The following DPP10 variants were observed in gnomAD, a reference collection of about 807,000 sequenced individuals.
DPP10 encodes inactive dipeptidyl peptidase 10.
DPP10 carries 33 observed loss-of-function variants against 120.9 expected under a neutral mutation model. That is an observed-to-expected ratio of 0.27 (90% CI 0.21 to 0.37). DPP10 has a LOEUF of 0.37. Among genes scored for constraint, DPP10 ranks in the 10% least tolerant of loss-of-function variants. The pLI, the probability that DPP10 is intolerant of heterozygous loss-of-function variation, is 1.00. For synonymous variants in DPP10, 337 were observed against 326.1 expected (o/e 1.03, Z -0.36); for missense variants, 816 against 942.8 (o/e 0.87, Z 1.76).
At chr2:115,069,759 C>A (rs891647805) in intron 1 of DPP10, among the ~76,000 whole-genome samples, 1 of 151,656 alleles carries the variant, frequency 6.6e-6, no homozygotes, top group Non-Finnish European at 1.5e-5. Flanking sequence ...AGGCATGTTA[C>A]TTAACCTCTC....
intron 12 of DPP10, among the ~76,000 whole-genome samples, chr2:115,766,286 A>ATGTGTGTGTG (rs34673352): frequency 0.035 from 2,456 of 69,580 alleles, 108 homozygotes; most frequent in Middle Eastern, 0.057. Context: ...CATTATATAT[A>ATGTGTGTGTG]TGTGTGTGTG....
intron 1 of DPP10, among the ~76,000 whole-genome samples, chr2:114,806,832 TG>T (rs1451793472): frequency 1.3e-5 from 2 of 152,208 alleles, no homozygotes; most frequent in African/African-American, 2.4e-5. Context: ...CCATTTTTTT[TG>T]TTGTTTATTG....
At chr2:115,356,573 A>G (rs934642883) in intron 3 of DPP10, among the ~76,000 whole-genome samples, 1 of 152,110 alleles carries the variant, frequency 6.6e-6, no homozygotes, top group African/African-American at 2.4e-5. Context: ...TGCCCTGGCC[A>G]GTACTTCCAA....
At chr2:114,662,870 G>C (rs568017015) in intron 1 of DPP10, among the ~76,000 whole-genome samples, 3 of 152,234 alleles carry the variant, frequency 2.0e-5, no homozygotes, top group Non-Finnish European at 4.4e-5. Flanking sequence ...TGTTTCCCTC[G>C]TAGCCGGGTC....
At chr2:115,573,476 G>A (rs573922379) in intron 5 of DPP10, among the ~76,000 whole-genome samples, 5 of 151,274 alleles carry the variant, frequency 3.3e-5, no homozygotes, top group South Asian at 2.1e-4. Context: ...TAGAGGCGGG[G>A]TTTCACCGTG....
At chr2:115,359,055 T>C (rs912177348) in intron 3 of DPP10, among the ~76,000 whole-genome samples, 8 of 152,212 alleles carry the variant, frequency 5.3e-5, no homozygotes, top group African/African-American at 1.9e-4. Context: ...TTCTTGAAGA[T>C]AGCAGATGGT....
chr2:115,703,653 TC>T (rs2091982293), intron 7 of DPP10, among the ~76,000 whole-genome samples: 1 of 152,008 alleles, frequency 6.6e-6, no homozygotes, highest in African/African-American at 2.4e-5. Context: ...CTAAGGACCA[TC>T]CATATTATTG....
At chr2:114,483,223 T>G (rs1232227637) in intron 1 of DPP10, among the ~76,000 whole-genome samples, 1 of 151,340 alleles carries the variant, frequency 6.6e-6, no homozygotes, top group Non-Finnish European at 1.5e-5. Context: ...TCAGTTTACT[T>G]TTTTTTTTCT....
intron 1 of DPP10, among the ~76,000 whole-genome samples, chr2:115,201,649 G>A (rs778838880): frequency 6.6e-6 from 1 of 152,052 alleles, no homozygotes; most frequent in Admixed American, 6.6e-5. Context: ...TCTTTGTCAA[G>A]TACACTATTT....
Position 114,781,156 on chromosome 2 carries a change from A to G in DPP10, c.60+338318A>G, listed in dbSNP as rs147446619. Among the ~76,000 whole-genome samples the G allele has an allele frequency of 1.3e-4, 20 of 152,298 alleles. No homozygotes were observed. The East Asian group carries it at 3.3e-3, about 25-fold the overall frequency. On this transcript the variant is annotated intron_variant, in intron 1 of 25. Transcript: ENST00000410059. ...ATAAATACACAATAACATTTTGTAG[A>G]GAGGATGTAATAGATCCTAGGAACT... is the stretch of plus-strand genomic sequence containing the variant.
chr2:115,454,806 G>A (rs2073393467), intron 3 of DPP10, among the ~76,000 whole-genome samples: 1 of 151,490 alleles, frequency 6.6e-6, no homozygotes, highest in African/African-American at 2.4e-5. Flanking sequence ...CAGATGACAT[G>A]ATCCTTTATG....
chr2:115,587,097 T>C (rs948461103), intron 5 of DPP10, among the ~76,000 whole-genome samples: 1 of 145,374 alleles, frequency 6.9e-6, no homozygotes, highest in African/African-American at 2.6e-5. Flanking sequence ...TTCTTTTTTT[T>C]TTTTTTTTTT....
At chr2:115,663,823 C>T (rs990153058) in intron 5 of DPP10, among the ~76,000 whole-genome samples, 1 of 151,946 alleles carries the variant, frequency 6.6e-6, no homozygotes. Flanking sequence ...GGTGAAAACC[C>T]GTCTCCACTC....
intron 5 of DPP10, among the ~76,000 whole-genome samples, chr2:115,673,508 C>A (rs978219362): frequency 1.3e-5 from 2 of 152,134 alleles, no homozygotes; most frequent in Non-Finnish European, 2.9e-5. Context: ...CCTAGATAAT[C>A]CTAATAACAA....
rs70941034 is a variant in DPP10, at chr2:115,227,924, C to CT, written c.61-81301dup. Reference sequence around the variant, plus strand: ...AGATACATCCGATTTCTTTTTTTTCCTTTTTTTTTTTTTTGGAGACAGGGT... The same window carrying CT: ...AGATACATCCGATTTCTTTTTTTTCCTTTTTTTTTTTTTTTGGAGACAGGGT... On this transcript the variant is annotated intron_variant, in intron 1 of 25. Transcript: ENST00000410059. Among the ~76,000 whole-genome samples, 684 of 120,426 alleles carry CT rather than the reference C, an allele frequency of 5.7e-3. 5 individuals carry two copies. Among genetic ancestry groups the CT allele is most frequent in the African/African-American group, 0.017 (576 of 33,092 alleles). 79.0% of individuals were successfully genotyped at this position (120,426 alleles called of 152,430 possible).
At chr2:115,650,479 A>G (rs1171709362) in intron 5 of DPP10, among the ~76,000 whole-genome samples, 1 of 152,060 alleles carries the variant, frequency 6.6e-6, no homozygotes, top group East Asian at 1.9e-4. Flanking sequence ...TGATAAATAA[A>G]TTAACTTACA....
At chr2:115,740,263 A>G (rs761795268) in intron 9 of DPP10, among the ~76,000 whole-genome samples, 1 of 152,092 alleles carries the variant, frequency 6.6e-6, no homozygotes, top group Non-Finnish European at 1.5e-5. Flanking sequence ...GGAAAGTGCC[A>G]TGGTCAAATA....
At chr2:114,564,715 T>C (rs983469685) in intron 1 of DPP10, among the ~76,000 whole-genome samples, 3 of 151,936 alleles carry the variant, frequency 2.0e-5, no homozygotes, top group South Asian at 2.1e-4. Flanking sequence ...ATGAGGTAGA[T>C]GAGTGAAGGA....
intron 1 of DPP10, among the ~76,000 whole-genome samples, chr2:114,495,865 C>T (rs1682468373): frequency 6.6e-6 from 1 of 152,130 alleles, no homozygotes; most frequent in South Asian, 2.1e-4. Context: ...GAAGCAAATG[C>T]TAACTGAATA....
Sources: gnomAD v4.1 joint callset for allele counts (sites outside exome capture counted in the v4.1 genomes callset) on GRCh38, gnomAD v4.1.1 for gene constraint, MANE v1.5 for transcripts, NCBI Gene and HGNC (gene_info 2026-07-23, HGNC 2026-07-21) for gene names.